The following SORL1 variants were observed in gnomAD, a reference collection of about 807,000 sequenced individuals.
The protein encoded by SORL1 is sortilin-related receptor.
In SORL1, 127 loss-of-function variants were observed where a neutral mutation model predicts 273.7. That is an observed-to-expected ratio of 0.46 (90% CI 0.40 to 0.54). SORL1 has a LOEUF of 0.54. SORL1 is among the 20% of genes least tolerant of loss of function. The pLI, the probability that SORL1 is intolerant of heterozygous loss-of-function variation, is 0.00. For missense variants in SORL1, 2,494 were observed against 2,846.1 expected (o/e 0.88, Z 2.81); for synonymous variants, 1,031 against 1,067.4 (o/e 0.97, Z 0.66).
intron 14 of SORL1, among the ~76,000 whole-genome samples, chr11:121,549,208 T>C (rs896724306): frequency 4.6e-5 from 7 of 151,994 alleles, no homozygotes; most frequent in African/African-American, 1.7e-4. Flanking sequence ...TTAAATAACA[T>C]TGAACCCCTA....
At chr11:121,587,320 A>G (rs1343695077) in intron 27 of SORL1, among the ~76,000 whole-genome samples, 1 of 152,218 alleles carries the variant, frequency 6.6e-6, no homozygotes, top group Non-Finnish European at 1.5e-5. Flanking sequence ...CCAGGGACAC[A>G]CTGAGGCTAT....
intron 3 of SORL1, among the ~76,000 whole-genome samples, chr11:121,478,804 G>C (rs1019726406): frequency 6.6e-6 from 1 of 151,886 alleles, no homozygotes; most frequent in Non-Finnish European, 1.5e-5. Flanking sequence ...GTACCTTTGT[G>C]TGTGTGCTTG....
intron 38 of SORL1, chr11:121,608,401 A>G (rs962278079): frequency 7.8e-6 from 4 of 513,964 alleles, no homozygotes; most frequent in African/African-American, 1.9e-5. Context: ...ATTTCTTCTA[A>G]TGCAGACATA....
At position 121,629,904 on chromosome 11, in the gene SORL1, T is replaced by C. The variant is rs2134960798; in HGVS notation, c.*341T>C. On this transcript the variant is annotated 3_prime_UTR_variant, in exon 48 of 48. Transcript: ENST00000260197. Reference sequence around the variant, plus strand: ...TTTATTTTTCTAAGACACAGAAATGTATTTAATAAAAACCTCGAGAGAGTG... The same window carrying C: ...TTTATTTTTCTAAGACACAGAAATGCATTTAATAAAAACCTCGAGAGAGTG... The C allele has an allele frequency of 7.6e-6, 2 of 262,402 alleles. No individual in the cohort carries two copies. Among genetic ancestry groups the C allele is most frequent in the Middle Eastern group, 1.4e-3 (1 of 726 alleles). 16.3% of individuals were successfully genotyped at this position (262,402 alleles called of 1,614,324 possible). A position where few individuals can be genotyped will look rare whatever the true frequency, so the allele number is the denominator to read the frequency against.
At chr11:121,520,417 A>G (rs747388112) in intron 8 of SORL1, among the ~76,000 whole-genome samples, 27 of 152,218 alleles carry the variant, frequency 1.8e-4, no homozygotes, top group Non-Finnish European at 3.8e-4. Context: ...CATGGAGCAG[A>G]TGAGTGGTTT....
intron 6 of SORL1, among the ~76,000 whole-genome samples, chr11:121,508,615 A>G (rs1446767458): frequency 6.6e-6 from 1 of 152,158 alleles, no homozygotes; most frequent in East Asian, 1.9e-4. Flanking sequence ...TGTCCTCTCC[A>G]GTGGCTGCCA....
intron 32 of SORL1, among the ~76,000 whole-genome samples, chr11:121,597,114 G>C (rs963808644): frequency 9.2e-5 from 14 of 152,330 alleles, no homozygotes; most frequent in African/African-American, 3.4e-4. Context: ...GAGGTGCCCT[G>C]TCTGATTCTT....
At chr11:121,594,558 C>T (rs1483024646) in intron 31 of SORL1, among the ~76,000 whole-genome samples, 1 of 151,918 alleles carries the variant, frequency 6.6e-6, no homozygotes, top group African/African-American at 2.4e-5. Flanking sequence ...TTACCACTGT[C>T]CCTTTTTATG....
chr11:121,568,353 A>G (rs1030825610), intron 22 of SORL1, among the ~76,000 whole-genome samples: 1 of 152,238 alleles, frequency 6.6e-6, no homozygotes, highest in Non-Finnish European at 1.5e-5. Flanking sequence ...TATGGATACA[A>G]TCTTAAAACT....
At chr11:121,520,602 A>G in intron 8 of SORL1, 55 bp from the exon 9 acceptor site, 1 of 1,229,556 alleles carries the variant, frequency 8.1e-7, no homozygotes, top group Non-Finnish European at 1.1e-6. Context: ...TATGTTATTT[A>G]CAATAACAAG....
chr11:121,544,296 G>A (rs775436976), intron 13 of SORL1, among the ~76,000 whole-genome samples: 2 of 151,898 alleles, frequency 1.3e-5, no homozygotes, highest in Non-Finnish European at 2.9e-5. Context: ...ATTTCCACCC[G>A]TTCAGCCTCC....
chr11:121,575,428 T>A (rs1862913467), intron 24 of SORL1, among the ~76,000 whole-genome samples: 1 of 152,258 alleles, frequency 6.6e-6, no homozygotes, highest in Non-Finnish European at 1.5e-5. Context: ...GGTGATGAGT[T>A]GGCGGGGCCC....
At chr11:121,566,265 A>T (rs561256671) in intron 21 of SORL1, among the ~76,000 whole-genome samples, 61 of 150,928 alleles carry the variant, frequency 4.0e-4, no homozygotes, top group East Asian at 5.8e-4. Context: ...CTTTCTTTTT[A>T]AAAAAAAAAT....
At position 121,630,270 on chromosome 11, in the gene SORL1, A is replaced by T. The variant is rs1863856373; in HGVS notation, c.*707A>T. On this transcript the variant is annotated 3_prime_UTR_variant, in exon 48 of 48. Transcript: ENST00000260197. ...AGTTCAACAGAGCTGCAGCTTGGGA[A>T]GCCCTGTAAGCCCACAGCTTCCTCT... 1 of 152,252 alleles carries T rather than the reference A, an allele frequency of 6.6e-6. No individual in the cohort carries two copies. The allele number at this position is 152,252 out of a possible 1,614,324, so 9.4% of individuals were successfully genotyped here.
At chr11:121,467,841 G>C (rs184265400) in intron 1 of SORL1, among the ~76,000 whole-genome samples, 1 of 152,274 alleles carries the variant, frequency 6.6e-6, no homozygotes, top group Admixed American at 6.5e-5. Context: ...GTTAGTGCTT[G>C]CCTGGACTTC....
intron 21 of SORL1, among the ~76,000 whole-genome samples, chr11:121,561,878 C>T (rs1472989673): frequency 6.6e-6 from 1 of 152,162 alleles, no homozygotes; most frequent in East Asian, 1.9e-4. Flanking sequence ...TCCAGGAGAC[C>T]TACTGCCTCC....
In SORL1 at chr11:121,522,677, C is replaced by T. The variant is rs764032259; in HGVS notation, c.1496C>T (p.Ser499Leu). 7 of 1,613,900 alleles carry T rather than the reference C, an allele frequency of 4.3e-6. No individual in the cohort carries two copies. Among genetic ancestry groups the T allele is most frequent in the South Asian group, 1.1e-5 (1 of 91,080 alleles). ...AGAATGCCCATCCTGTCCAAGGAGT[C>T]GGCTCCAGGCCTCATCATCGCCACT... ...LRRMPILSKE[S>L]APGLIIATGS... The change falls in exon 10 of 48, where the codon TCG (serine) becomes TTG (leucine). Residue 499 changes from serine to leucine, a missense_variant. This residue lies in a region of SORL1 where 710 missense variants were observed against 882.5 expected (regional missense o/e 0.80). Coordinates refer to ENST00000260197, the MANE Select transcript of SORL1 (RefSeq NM_003105.6).
rs1374319261 is a variant in SORL1, at chr11:121,627,810, C to T, written c.6577+43C>T. The T allele has an allele frequency of 2.1e-6, 3 of 1,430,610 alleles. No homozygotes were observed. The highest frequency in any genetic ancestry group is 2.3e-4 in the Middle Eastern group (1 of 4,286). The allele number at this position is 1,430,610 out of a possible 1,614,324, so 88.6% of individuals were successfully genotyped here. ...AGTCGGTTCTTCCTCCCAGGGCTGA[C>T]CCCCACGCAGCCAATGACTTGATTA... On this transcript the variant is annotated intron_variant, in intron 47 of 47. Transcript: ENST00000260197. The surrounding 1 kb of genome is among the most constrained non-coding windows in gnomAD (Gnocchi z 4.9).
At chr11:121,555,352 G>C (rs1165064306) in intron 18 of SORL1, 34 bp downstream of exon 18, 1 of 1,609,538 alleles carries the variant, frequency 6.2e-7, no homozygotes, top group Non-Finnish European at 8.5e-7. Context: ...TTAATTAAGG[G>C]AGCAGGCGGG....
Sources: gnomAD v4.1 joint callset for allele counts (sites outside exome capture counted in the v4.1 genomes callset) on GRCh38, gnomAD v4.1.1 for gene constraint, gnomAD v4.1.1 regional missense constraint, Gnocchi (gnomAD v3.1) non-coding constraint, MANE v1.5 for transcripts, NCBI Gene and HGNC (gene_info 2026-07-23, HGNC 2026-07-21) for gene names.